The following SNCAIP variants were observed in gnomAD, a reference collection of about 807,000 sequenced individuals.
The protein encoded by SNCAIP is synuclein alpha interacting protein, also known as synphilin-1.
Under a neutral mutation model 86.7 loss-of-function variants are expected in SNCAIP, and 43 were observed. The observed-to-expected ratio is 0.50, with a 90% CI of 0.39 to 0.64. SNCAIP has a LOEUF of 0.64. Ranked by LOEUF, SNCAIP falls within the 30% of genes least tolerant of loss-of-function variation. SNCAIP has a pLI of 0.00. For synonymous variants in SNCAIP, 417 were observed against 427.2 expected, an observed-to-expected ratio of 0.98 and a Z score of 0.29; for missense variants, 981 against 1,103.1, an observed-to-expected ratio of 0.89 and a Z score of 1.57.
intron 1 of SNCAIP, among the ~76,000 whole-genome samples, chr5:122,365,517 A>C (rs941487021): frequency 6.6e-6 from 1 of 152,104 alleles, no homozygotes; most frequent in African/African-American, 2.4e-5. Context: ...CATCTGTGCT[A>C]AAATTACAAA....
At chr5:122,426,006 G>A (rs752524227) in intron 5 of SNCAIP, among the ~76,000 whole-genome samples, 2 of 152,184 alleles carry the variant, frequency 1.3e-5, no homozygotes, top group African/African-American at 2.4e-5. Flanking sequence ...TATCAGTGCC[G>A]AGTTTGAGTT....
intron 1 of SNCAIP, chr5:122,371,654 C>A (rs866283173): frequency 5.9e-5 from 9 of 152,108 alleles, no homozygotes; most frequent in African/African-American, 2.2e-4. Context: ...TGCAATCTGA[C>A]GTGTGTGGAA....
chr5:122,391,232 T>G, intron 2 of SNCAIP, 41 bp downstream of exon 2: 1 of 1,358,428 alleles, frequency 7.4e-7, no homozygotes, highest in Non-Finnish European at 1.1e-6. Context: ...CAAGATAATC[T>G]GCCTTCAACT....
chr5:122,415,825 A>G (rs1221142583), intron 3 of SNCAIP, among the ~76,000 whole-genome samples: 1 of 152,132 alleles, frequency 6.6e-6, no homozygotes, highest in African/African-American at 2.4e-5. Context: ...ATCTCTCCCT[A>G]CATTTCCTCA....
chr5:122,318,544 T>C (rs1471790526), intron 1 of SNCAIP, among the ~76,000 whole-genome samples: 1 of 152,240 alleles, frequency 6.6e-6, no homozygotes, highest in Non-Finnish European at 1.5e-5. Flanking sequence ...AAATGTGTGT[T>C]GAATCATTCA....
intron 5 of SNCAIP, among the ~76,000 whole-genome samples, chr5:122,428,092 G>A (rs1195811909): frequency 1.3e-5 from 2 of 152,128 alleles, no homozygotes; most frequent in Non-Finnish European, 2.9e-5. Context: ...CAGGACAGAA[G>A]AAGTAATTAT....
chr5:122,413,633 T>G (rs1774619921), intron 3 of SNCAIP, among the ~76,000 whole-genome samples: 1 of 152,100 alleles, frequency 6.6e-6, no homozygotes, highest in Non-Finnish European at 1.5e-5. Flanking sequence ...CAATATATAT[T>G]TGTTGAATGA....
At chr5:122,435,485 TA>T (rs1477615936) in intron 6 of SNCAIP, among the ~76,000 whole-genome samples, 2 of 152,184 alleles carry the variant, frequency 1.3e-5, no homozygotes, top group Admixed American at 1.3e-4. Flanking sequence ...GGCTCTATGT[TA>T]CTTTCAACAT....
At position 122,431,110 on chromosome 5, in the gene SNCAIP, G is replaced by A. The variant is rs191002067; in HGVS notation, c.1183-859G>A. Among the ~76,000 whole-genome samples, 84 of 152,200 alleles carry A rather than the reference G, an allele frequency of 5.5e-4. No homozygotes were observed. The South Asian group carries it at 7.9e-3, about 14-fold the overall frequency. On this transcript the variant is annotated intron_variant, in intron 5 of 10. Coordinates refer to ENST00000261368, the MANE Select transcript of SNCAIP (RefSeq NM_005460.4). ...AGAATACTGATTAACTGACCATGCC[G>A]TGTGTTGGCTTAGTTTTGGAACAAT...
At chr5:122,449,713 A>T in intron 8 of SNCAIP, 132 bp from the exon 9 acceptor site, 1 of 735,616 alleles carries the variant, frequency 1.4e-6, no homozygotes, top group Non-Finnish European at 2.5e-6. Context: ...TGTAAGGATG[A>T]ATATTATGCA....
chr5:122,363,788 CTATTTATTTATT>C (rs143825884), intron 1 of SNCAIP, among the ~76,000 whole-genome samples: 2,838 of 142,870 alleles, frequency 0.02, 102 homozygotes, highest in African/African-American at 0.064. Flanking sequence ...TTATTGTCAA[CTATTTATTTATT>C]TATTTATTTA....
chr5:122,378,484 G>T (rs1460564047), intron 1 of SNCAIP, among the ~76,000 whole-genome samples: 2 of 141,716 alleles, frequency 1.4e-5, no homozygotes, highest in African/African-American at 5.3e-5. Flanking sequence ...CTCTCATTTT[G>T]TAGGTTGCCT....
chr5:122,452,052 A>G (rs1422121955), intron 10 of SNCAIP, among the ~76,000 whole-genome samples: 1 of 152,214 alleles, frequency 6.6e-6, no homozygotes, highest in Non-Finnish European at 1.5e-5. Context: ...TAGATGCTCT[A>G]TTGCCAAAGA....
intron 1 of SNCAIP, among the ~76,000 whole-genome samples, chr5:122,332,272 C>A (rs1755517566): frequency 6.6e-6 from 1 of 152,180 alleles, no homozygotes; most frequent in Non-Finnish European, 1.5e-5. Flanking sequence ...CCATCAGCAT[C>A]TTTTTATATT....
intron 2 of SNCAIP, among the ~76,000 whole-genome samples, chr5:122,391,986 T>C (rs998180498): frequency 6.6e-6 from 1 of 152,196 alleles, no homozygotes; most frequent in Non-Finnish European, 1.5e-5. Context: ...GACATACAAC[T>C]TTTCTTTCCA....
chr5:122,345,481 T>C (rs1758421786), intron 1 of SNCAIP, among the ~76,000 whole-genome samples: 1 of 152,152 alleles, frequency 6.6e-6, no homozygotes, highest in Non-Finnish European at 1.5e-5. Context: ...AGAACTAAAG[T>C]GAATATTCTA....
intron 1 of SNCAIP, among the ~76,000 whole-genome samples, chr5:122,330,113 A>ATTTTTTTTTTT (rs1387266417): frequency 1.7e-5 from 2 of 120,360 alleles, no homozygotes; most frequent in Non-Finnish European, 3.3e-5. Context: ...GTACAACTTC[A>ATTTTTTTTTTT]TTTCTTTTTT....
intron 1 of SNCAIP, among the ~76,000 whole-genome samples, chr5:122,385,112 G>A (rs1302101573): frequency 2.0e-5 from 3 of 152,090 alleles, no homozygotes; most frequent in South Asian, 4.1e-4. Context: ...TATCTCCAAG[G>A]TCTAGATTGG....
intron 7 of SNCAIP, among the ~76,000 whole-genome samples, chr5:122,441,462 C>T (rs900894260): frequency 6.6e-6 from 1 of 152,166 alleles, no homozygotes; most frequent in African/African-American, 2.4e-5. Context: ...AGTTGGGGAG[C>T]TGAGCCACAG....
Sources: allele counts gnomAD v4.1 joint callset (sites outside exome capture counted in the v4.1 genomes callset), GRCh38; gene constraint gnomAD v4.1.1; transcripts MANE v1.5; gene names NCBI Gene and HGNC (gene_info 2026-07-23, HGNC 2026-07-21).